Variants in IGHMBP2 observed in about 807,000 individuals in gnomAD.
IGHMBP2 encodes immunoglobulin mu DNA binding protein 2, also known as DNA-binding protein SMUBP-2.
Under a neutral mutation model 96.0 loss-of-function variants are expected in IGHMBP2, and 81 were observed. The observed-to-expected ratio is 0.84, with a 90% confidence interval of 0.71 to 1.01. The LOEUF (loss-of-function observed/expected upper bound fraction) is 1.01. Ranked by LOEUF, IGHMBP2 falls within the 50% of genes least tolerant of loss-of-function variation. The pLI is 0.00. For missense variants in IGHMBP2, 1,227 were observed against 1,306.3 expected, an observed-to-expected ratio of 0.94 and a Z score of 0.94; for synonymous variants, 557 against 548.9, an observed-to-expected ratio of 1.01 and a Z score of -0.21.
chr11:68,906,640 C>CTTTTTTTTTTT (rs60710565), intron 2 of IGHMBP2, among the ~76,000 whole-genome samples: 22 of 117,568 alleles, frequency 1.9e-4, no homozygotes, highest in African/African-American at 4.0e-4. Flanking sequence ...CATTTCTTTT[C>CTTTTTTTTTTT]TTTTTTTTTT....
chr11:68,916,659 AGG>A (rs1858683234), intron 6 of IGHMBP2, among the ~76,000 whole-genome samples: 1 of 152,044 alleles, frequency 6.6e-6, no homozygotes, highest in Admixed American at 6.5e-5. Context: ...GGCAGCAGAG[AGG>A]GTGCTGGGAG....
chr11:68,913,127 A>G (rs1858511064), intron 5 of IGHMBP2, among the ~76,000 whole-genome samples: 1 of 151,480 alleles, frequency 6.6e-6, no homozygotes, highest in South Asian at 2.1e-4. Context: ...TCAGAGTGGC[A>G]GAGCCAGCAA....
chr11:68,915,074 T>C (rs1858598438), intron 6 of IGHMBP2, 51 bp downstream of exon 6: 1 of 1,481,296 alleles, frequency 6.8e-7, no homozygotes, highest in Non-Finnish European at 9.4e-7. Context: ...TGATCTGCAG[T>C]CTTTTTAAGG....
intron 1 of IGHMBP2, among the ~76,000 whole-genome samples, chr11:68,905,023 C>G (rs1221842500): frequency 2.0e-5 from 3 of 152,146 alleles, no homozygotes; most frequent in Non-Finnish European, 4.4e-5. Context: ...GTCTCGATCT[C>G]CTGACCTCGT....
intron 4 of IGHMBP2, 122 bp downstream of exon 4, chr11:68,908,753 C>T: frequency 1.4e-6 from 1 of 713,086 alleles, no homozygotes; most frequent in Non-Finnish European, 2.5e-6. Context: ...TCTCCCTGAA[C>T]ATCTTTGTAG....
chr11:68,904,168 A>G, intron 1 of IGHMBP2, 130 bp downstream of exon 1: 1 of 784,248 alleles, frequency 1.3e-6, no homozygotes, highest in Non-Finnish European at 2.2e-6. Context: ...AGGGGCAGGG[A>G]TCGTCCGTCC....
intron 10 of IGHMBP2, 81 bp downstream of exon 10, chr11:68,933,994 T>A: frequency 1.0e-6 from 1 of 999,514 alleles, no homozygotes; most frequent in Non-Finnish European, 1.6e-6. Context: ...TTTAATTGCC[T>A]AATTCCGGGA....
intron 13 of IGHMBP2, among the ~76,000 whole-genome samples, chr11:68,937,496 T>A (rs1156481116): frequency 6.6e-6 from 1 of 152,236 alleles, no homozygotes; most frequent in Non-Finnish European, 1.5e-5. Context: ...CTGGAAGTTG[T>A]CCTGGGCAAA....
In IGHMBP2 at chr11:68,911,479, A is replaced by T; in HGVS notation, c.587A>T (p.Gln196Leu). 6.2e-7 allele frequency: 1 copy of T among 1,614,192 alleles called. No homozygotes were observed. The highest frequency in any genetic ancestry group is 8.5e-7 in the Non-Finnish European group (1 of 1,180,038). ...TTCAACACCTGCCTGGACACCTCCC[A>T]GAAAGAAGCGGTTTTATTTGCGCTG... ...TFFNTCLDTS[Q>L]KEAVLFALSQ... The change falls in exon 5 of 15, where the codon CAG (glutamine) becomes CTG (leucine). Residue 196 changes from glutamine to leucine, a missense_variant. This residue lies in a region of IGHMBP2 where 507 missense variants were observed against 496.9 expected (regional missense o/e 1.02). Coordinates refer to ENST00000255078, the MANE Select transcript of IGHMBP2 (RefSeq NM_002180.3).
In IGHMBP2 at chr11:68,914,943, C is replaced by G. The variant is rs144681826; in HGVS notation, c.832C>G (p.His278Asp). 9.7e-5 allele frequency: 157 copies of G among 1,614,100 alleles called. 1 individual carries two copies. In the African/African-American group the frequency reaches 1.6e-3, roughly 17 times the overall value. The change falls in exon 6 of 15, where the codon CAC becomes GAC. Residue 278 changes from histidine (H) to aspartate (D), a missense_variant. Around this residue, in one of 3 missense-constraint regions of IGHMBP2, gnomAD observed 507 missense variants for 496.9 expected, o/e 1.02. Coordinates refer to ENST00000255078, the MANE Select transcript of IGHMBP2 (RefSeq NM_002180.3). The stretch of plus-strand genomic sequence containing the variant: ...CCGCCTCCTGGAGTCCATTCAGCAG[C>G]ACTCCCTGGATGCGGTTTTAGCGCG... ...PARLLESIQQ[H>D]SLDAVLARSD...
At position 68,936,902 on chromosome 11, in the gene IGHMBP2, G is replaced by A. The variant is rs1417656984; in HGVS notation, c.2422G>A (p.Val808Met). 6.2e-7 allele frequency: 1 copy of A among 1,608,224 alleles called. No individual in the cohort carries two copies. The highest frequency in any genetic ancestry group is 1.7e-5 in the Admixed American group (1 of 59,174). Residue 808 changes from valine to methionine, a missense_variant, in exon 13 of 15, where the codon GTG becomes ATG. By Grantham distance (21) the Val-to-Met change is conservative. Transcript: ENST00000255078. ...GTGGPAPLQP[V>M]PPTPAQTEQP... ...CGGTGGCCCAGCCCCTCTCCAGCCA[G>A]TGCCCCCTACCCCTGCGCAGACAGA...
chr11:68,929,151 C>G (rs781025268), intron 7 of IGHMBP2, 32 bp from the exon 8 acceptor site: 20 of 1,606,398 alleles, frequency 1.2e-5, no homozygotes, highest in Non-Finnish European at 1.6e-5. Context: ...CAGCTGTGCC[C>G]CTGGAGACTC....
intron 8 of IGHMBP2, 59 bp downstream of exon 8, chr11:68,929,416 C>T (rs1400343928): frequency 1.5e-5 from 23 of 1,525,008 alleles, no homozygotes; most frequent in South Asian, 3.4e-5. Context: ...GGTCCTTCCA[C>T]GCTCAGCCAG....
At chr11:68,921,513 C>CACATAT (rs1450332788) in intron 7 of IGHMBP2, among the ~76,000 whole-genome samples, 58 of 152,344 alleles carry the variant, frequency 3.8e-4, no homozygotes, top group African/African-American at 1.3e-3. Context: ...TATGCCACCT[C>CACATAT]ACATATAGCA....
rs370301564 is a variant in IGHMBP2, at chr11:68,919,401, C to A, written c.1060+1518C>A. 2.4e-4 allele frequency among the ~76,000 whole-genome samples: 36 copies of A among 152,334 alleles called. No individual in the cohort carries two copies. The South Asian group carries it at 7.3e-3, about 31-fold the overall frequency. On this transcript the variant is annotated intron_variant, in intron 7 of 14. Coordinates refer to ENST00000255078, the MANE Select transcript of IGHMBP2 (RefSeq NM_002180.3). ...TCTCCCAGCTCAGCCTCCTGAGGAG[C>A]TGGGGCTCCCTGCATGTGCCACTGC...
chr11:68,923,636 G>A (rs1391089923), intron 7 of IGHMBP2, among the ~76,000 whole-genome samples: 4 of 152,128 alleles, frequency 2.6e-5, no homozygotes, highest in Non-Finnish European at 5.9e-5. Flanking sequence ...CCCCTGTACT[G>A]AGGTAAGACC....
rs769430879 is a variant in IGHMBP2 at position 68,903,993 on chromosome 11, T to C, written c.41T>C (p.Leu14Pro). Residue 14 changes from leucine to proline, a missense_variant, in exon 1 of 15, where the codon CTG becomes CCG. This residue lies in a region of IGHMBP2 where 507 missense variants were observed against 496.9 expected (regional missense o/e 1.02). Coordinates refer to ENST00000255078, the MANE Select transcript of IGHMBP2 (RefSeq NM_002180.3). ...AAVESFVTKQ[L>P]DLLELERDAE... ...GTGGAGAGCTTCGTGACCAAGCAAC[T>C]GGACCTGCTGGAGCTTGAGAGAGAC... is the stretch of plus-strand genomic sequence containing the variant. 3 of 1,551,626 alleles carry C rather than the reference T, an allele frequency of 1.9e-6. No homozygotes were observed. The South Asian group carries it at 3.5e-5, about 18-fold the overall frequency.
intron 10 of IGHMBP2, chr11:68,934,242 G>A (rs1169152848): frequency 3.1e-6 from 2 of 645,104 alleles, no homozygotes; most frequent in Admixed American, 4.4e-5. Context: ...AGGATGCACG[G>A]CCATAGGAGT....
chr11:68,934,615 G>GAAA, intron 11 of IGHMBP2, 57 bp downstream of exon 11: 1 of 1,316,988 alleles, frequency 7.6e-7, no homozygotes, highest in East Asian at 2.4e-5. Context: ...ACAACCTAGA[G>GAAA]GGTGAAAGAA....
Sources: gnomAD v4.1 joint callset for allele counts (sites outside exome capture counted in the v4.1 genomes callset) on GRCh38, gnomAD v4.1.1 for gene constraint, gnomAD v4.1.1 regional missense constraint, MANE v1.5 for transcripts, NCBI Gene and HGNC (gene_info 2026-07-23, HGNC 2026-07-21) for gene names.